WNK1: variants seen among roughly 807,000 people sequenced by gnomAD.
WNK1 encodes WNK lysine deficient protein kinase 1, also known as serine/threonine-protein kinase WNK1.
WNK1 carries 38 observed loss-of-function variants against 222.8 expected under a neutral mutation model. The observed-to-expected ratio is 0.17, with a 90% confidence interval of 0.13 to 0.22. The LOEUF (loss-of-function observed/expected upper bound fraction) is 0.22, where lower values mean the gene tolerates loss of function less well. Ranked by LOEUF, WNK1 falls within the 10% of genes least tolerant of loss-of-function variation. The pLI is 1.00. For missense variants in WNK1, 2,348 were observed against 2,918.4 expected, an observed-to-expected ratio of 0.80 and a Z score of 4.50; for synonymous variants, 1,090 against 1,092.9, an observed-to-expected ratio of 1.00 and a Z score of 0.05.
rs374783223 is a variant in WNK1, at chr12:868,428, C to G, written c.2140-2837C>G. 8 of 1,613,848 alleles carry G rather than the reference C, an allele frequency of 5.0e-6. No homozygotes were observed. In the African/African-American group the frequency reaches 1.1e-4, roughly 22 times the overall value. ...ACTTCAAGTTCTGTCTTTGAATTTC[C>G]ATCTGGACAGGCTTTCCTGGTAGGA... On this transcript the variant is annotated intron_variant, in intron 8 of 27. Transcript: ENST00000315939.
Position 900,504 on chromosome 12 carries a change from A to C in WNK1, c.6477A>C (p.Ser2159=), listed in dbSNP as rs1456949295. ...SGNLSGQSAA[S]VLHPQQTLHP... is the part of the protein sequence containing the mutation. ...ACCTGTCTGGTCAGAGTGCAGCTTC[A>C]GTCTTGCACCCCCAGCAGACCCTCC... Residue 2159 remains serine, a synonymous_variant, in exon 26 of 28, where the codon TCA becomes TCC. Coordinates refer to ENST00000315939, the MANE Select transcript of WNK1 (RefSeq NM_018979.4). 1 of 1,614,144 alleles carries C rather than the reference A, an allele frequency of 6.2e-7. No individual in the cohort carries two copies. Among genetic ancestry groups the C allele is most frequent in the South Asian group, 1.1e-5 (1 of 91,078 alleles).
In WNK1 at chr12:827,382, G is replaced by A. The variant is rs1948430906; in HGVS notation, c.1153+120G>A. On this transcript the variant is annotated intron_variant, in intron 3 of 27. Transcript: ENST00000315939. The surrounding 1 kb of genome is among the most constrained non-coding windows in gnomAD (Gnocchi z 4.6). ...TTAAGAAATTCATAGCTTGAACTCA[G>A]GAGGTGATCCATTGTACTTATGAGA... The A allele has an allele frequency of 1.2e-6, 1 of 856,140 alleles. No homozygotes were observed. The highest frequency in any genetic ancestry group is 1.7e-5 in the African/African-American group (1 of 59,730). The allele number at this position is 856,140 out of a possible 1,614,324, so 53.0% of individuals were successfully genotyped here. A position where few individuals can be genotyped will look rare whatever the true frequency, so the allele number is the denominator to read the frequency against.
intron 1 of WNK1, among the ~76,000 whole-genome samples, chr12:795,296 G>GTTTTTTTTTTTTTT (rs35447912): frequency 1.5e-5 from 2 of 133,022 alleles, no homozygotes; most frequent in African/African-American, 2.8e-5. Flanking sequence ...ATTTTCCGTT[G>GTTTTTTTTTTTTTT]TTTTTTTTTT....
intron 8 of WNK1, chr12:868,899 C>A (rs777957658): frequency 6.2e-7 from 1 of 1,603,586 alleles, no homozygotes; most frequent in Non-Finnish European, 8.5e-7. Flanking sequence ...CAAATCACTT[C>A]TTCAGACCCC....
At chr12:810,246 CAA>C (rs71439362) in intron 1 of WNK1, among the ~76,000 whole-genome samples, 2 of 140,004 alleles carry the variant, frequency 1.4e-5, no homozygotes, top group Non-Finnish European at 1.6e-5. Flanking sequence ...GACTCCGTCT[CAA>C]AAAAAAAAAA....
chr12:853,631 C>A (rs1047043933), intron 4 of WNK1, among the ~76,000 whole-genome samples: 2 of 152,172 alleles, frequency 1.3e-5, no homozygotes, highest in African/African-American at 4.8e-5. Flanking sequence ...TTTGTCCTTT[C>A]AATGTGCCTA....
intron 1 of WNK1, among the ~76,000 whole-genome samples, chr12:795,878 G>A (rs559688888): frequency 6.6e-6 from 1 of 152,114 alleles, no homozygotes; most frequent in African/African-American, 2.4e-5. Flanking sequence ...GGCTTAACAA[G>A]TATCTTCTTT....
intron 1 of WNK1, among the ~76,000 whole-genome samples, chr12:785,566 T>G (rs1243655963): frequency 1.3e-5 from 2 of 151,812 alleles, no homozygotes; most frequent in Non-Finnish European, 2.9e-5. Context: ...CCCAGCTAAT[T>G]TTTTGTATTT....
intron 26 of WNK1, 21 bp from the exon 27 acceptor site, chr12:907,826 G>T: frequency 6.2e-7 from 1 of 1,612,622 alleles, no homozygotes; most frequent in South Asian, 1.1e-5. Flanking sequence ...TTTAATGCTC[G>T]TATTCTGTTG....
chr12:908,861 G>GGGGGGGGGGGGGGGGGGGGGGGCA lies in WNK1; in HGVS notation c.*69_*70insGGGGGGGGGGGGGGGGGGGGGGCA. On this transcript the variant is annotated 3_prime_UTR_variant, in exon 28 of 28. Transcript: ENST00000315939. The stretch of plus-strand genomic sequence containing the variant: ...ATGCTGAGGGGGTGGGTGGGGGTGG[G>GGGGGGGGGGGGGGGGGGGGGGGCA]AAGTAGCCTATATACTAACTACTAG... The GGGGGGGGGGGGGGGGGGGGGGGCA allele has an allele frequency of 2.0e-6, 1 of 491,844 alleles. No homozygotes were observed. The highest frequency in any genetic ancestry group is 2.2e-5 in the Admixed American group (1 of 46,428). 30.5% of individuals were successfully genotyped at this position (491,844 alleles called of 1,614,324 possible).
At chr12:758,036 A>T (rs1475090831) in intron 1 of WNK1, among the ~76,000 whole-genome samples, 1 of 18,114 alleles carries the variant, frequency 5.5e-5, no homozygotes, top group Middle Eastern at 0.022. Flanking sequence ...CTCTGTCTCT[A>T]AAAAAAAAAA....
intron 13 of WNK1, 35 bp downstream of exon 13, chr12:881,824 T>C: frequency 2.5e-6 from 4 of 1,613,624 alleles, no homozygotes; most frequent in Non-Finnish European, 2.5e-6. Context: ...CCTTGACTGG[T>C]AAATAAGACG....
intron 1 of WNK1, among the ~76,000 whole-genome samples, chr12:758,102 A>C (rs1940445576): frequency 2.1e-5 from 3 of 145,672 alleles, no homozygotes; most frequent in Admixed American, 2.0e-4. Context: ...AGAATGATTT[A>C]TTTTAAGCAC....
At chr12:771,884 A>C (rs1051928523) in intron 1 of WNK1, among the ~76,000 whole-genome samples, 2 of 152,198 alleles carry the variant, frequency 1.3e-5, no homozygotes, top group African/African-American at 4.8e-5. Context: ...TTCTAGCTTC[A>C]AGCAATCCTC....
chr12:833,677 T>C (rs1396456675), intron 4 of WNK1, among the ~76,000 whole-genome samples: 1 of 152,224 alleles, frequency 6.6e-6, no homozygotes, highest in Non-Finnish European at 1.5e-5. Flanking sequence ...TTAGTGGTTA[T>C]TCTACTTATA....
intron 9 of WNK1, among the ~76,000 whole-genome samples, chr12:871,896 C>T (rs1428007238): frequency 1.3e-5 from 2 of 152,292 alleles, no homozygotes; most frequent in Middle Eastern, 3.4e-3. Context: ...CGCCACCTCA[C>T]CCAGCCTGGA....
chr12:782,459 A>G (rs1238055193), intron 1 of WNK1, among the ~76,000 whole-genome samples: 2 of 152,206 alleles, frequency 1.3e-5, no homozygotes, highest in African/African-American at 4.8e-5. Flanking sequence ...GCTTAGTTGA[A>G]TAACATTGGA....
chr12:871,167 C>G (rs895079216), intron 8 of WNK1, 98 bp from the exon 9 acceptor site: 1 of 1,171,366 alleles, frequency 8.5e-7, no homozygotes. Flanking sequence ...TTTGATCAAG[C>G]AAACTCTGAG....
At chr12:853,595 C>T (rs1950556748) in intron 4 of WNK1, among the ~76,000 whole-genome samples, 1 of 152,188 alleles carries the variant, frequency 6.6e-6, no homozygotes, top group Non-Finnish European at 1.5e-5. Context: ...CCAGTTCACA[C>T]TGAATGTCTT....
Sources: gnomAD v4.1 joint callset for allele counts (sites outside exome capture counted in the v4.1 genomes callset) on GRCh38, gnomAD v4.1.1 for gene constraint, Gnocchi (gnomAD v3.1) non-coding constraint, MANE v1.5 for transcripts, NCBI Gene and HGNC (gene_info 2026-07-23, HGNC 2026-07-21) for gene names.